Variants in RBFOX1 observed in about 807,000 individuals in gnomAD.
RBFOX1 encodes RNA binding protein fox-1 homolog 1.
RBFOX1 carries 8 observed loss-of-function variants against 57.7 expected under a neutral mutation model. The ratio of observed to expected loss-of-function variants is 0.14; its 90% confidence interval spans 0.08 to 0.25. The LOEUF (loss-of-function observed/expected upper bound fraction) is 0.25. Among genes scored for constraint, RBFOX1 ranks in the 10% least tolerant of loss-of-function variants. The pLI, the probability that RBFOX1 is intolerant of heterozygous loss-of-function variation, is 1.00. For missense variants in RBFOX1, 611 were observed against 548.5 expected (o/e 1.11, Z -1.14); for synonymous variants, 326 against 222.4 (o/e 1.47, Z -4.15).
chr16:5,947,205 G>C lies in RBFOX1; in HGVS notation c.351+79870G>C, dbSNP rs147823579. Among the ~76,000 whole-genome samples the C allele has an allele frequency of 2.8e-3, 419 of 152,256 alleles. 1 individual carries two copies. Among genetic ancestry groups the C allele is most frequent in the African/African-American group, 7.8e-3 (326 of 41,536 alleles). On this transcript the variant is annotated intron_variant, in intron 4 of 19. Transcript: ENST00000641259. The surrounding 1 kb of genome is among the most constrained non-coding windows in gnomAD (Gnocchi z 7.2). Reference sequence around the variant, plus strand: ...CTCTCCAGCCTGGGTGGCAGAGTGAGACTCTGTCTCTAAAACAAAACAAAC... The same window carrying C: ...CTCTCCAGCCTGGGTGGCAGAGTGACACTCTGTCTCTAAAACAAAACAAAC...
intron 4 of RBFOX1, among the ~76,000 whole-genome samples, chr16:7,313,741 T>C (rs2096374630): frequency 6.6e-6 from 1 of 152,282 alleles, no homozygotes; most frequent in Non-Finnish European, 1.5e-5. Flanking sequence ...TTGAAATTAA[T>C]GGCTTCATTT....
intron 4 of RBFOX1, among the ~76,000 whole-genome samples, chr16:5,987,329 T>C (rs899476210): frequency 6.6e-6 from 1 of 152,214 alleles, no homozygotes; most frequent in Non-Finnish European, 1.5e-5. Context: ...CCCCCAGCTG[T>C]AGCTTGTCTC....
At chr16:6,297,114 T>C (rs2078208030) in intron 1 of RBFOX1, among the ~76,000 whole-genome samples, 1 of 152,068 alleles carries the variant, frequency 6.6e-6, no homozygotes, top group Non-Finnish European at 1.5e-5. Context: ...CTGGTGGGAG[T>C]GTAGCGGTGA....
rs868492235 is a variant in RBFOX1 at position 6,388,977 on chromosome 16, G to T, written c.-64+71920G>T. Among the ~76,000 whole-genome samples the T allele has an allele frequency of 1.5e-4, 23 of 152,294 alleles. No individual in the cohort carries two copies. The South Asian group carries it at 4.6e-3, about 30-fold the overall frequency. ...TGTTGGACAATGACATCACTTGAAA[G>T]GTCCCTGGATCCAGCTAAGCCTTAA... On this transcript the variant is annotated intron_variant, in intron 2 of 15. Transcript: ENST00000550418.
At chr16:7,204,957 C>CT (rs370178411) in intron 4 of RBFOX1, among the ~76,000 whole-genome samples, 4 of 152,248 alleles carry the variant, frequency 2.6e-5, no homozygotes, top group African/African-American at 9.6e-5. Context: ...AATTCCTTGT[C>CT]TTTTTTGTCC....
At chr16:6,553,869 T>C (rs2097042296) in intron 2 of RBFOX1, among the ~76,000 whole-genome samples, 1 of 152,102 alleles carries the variant, frequency 6.6e-6, no homozygotes, top group African/African-American at 2.4e-5. Context: ...GTCCTTGGAC[T>C]TACCTTCCTG....
intron 4 of RBFOX1, among the ~76,000 whole-genome samples, chr16:5,985,341 T>C (rs2060265697): frequency 6.6e-6 from 1 of 151,990 alleles, no homozygotes; most frequent in Non-Finnish European, 1.5e-5. Flanking sequence ...CATCCATCCT[T>C]GGTGAGAAAC....
intron 7 of RBFOX1, among the ~76,000 whole-genome samples, chr16:7,594,017 G>A (rs2094569012): frequency 6.6e-6 from 1 of 152,084 alleles, no homozygotes; most frequent in South Asian, 2.1e-4. Flanking sequence ...GGGTACAGGT[G>A]CACACTGTGC....
chr16:6,769,521 C>T (rs767696325), intron 3 of RBFOX1, among the ~76,000 whole-genome samples: 6 of 152,182 alleles, frequency 3.9e-5, no homozygotes, highest in Non-Finnish European at 7.3e-5. Flanking sequence ...GTTTATCACC[C>T]GCCTTTTAAT....
intron 2 of RBFOX1, among the ~76,000 whole-genome samples, chr16:5,571,421 G>A (rs2046279769): frequency 6.6e-6 from 1 of 151,626 alleles, no homozygotes. Context: ...CACCCTGTTG[G>A]CCACGCTGGT....
intron 4 of RBFOX1, among the ~76,000 whole-genome samples, chr16:7,074,926 G>A (rs1438346098): frequency 6.6e-6 from 1 of 152,124 alleles, no homozygotes; most frequent in Admixed American, 6.5e-5. Context: ...GAAAACTTCT[G>A]GGATTGGAAA....
intron 2 of RBFOX1, among the ~76,000 whole-genome samples, chr16:5,564,519 G>A (rs988636641): frequency 2.0e-5 from 3 of 152,056 alleles, no homozygotes; most frequent in Non-Finnish European, 2.9e-5. Context: ...TTCATAACAC[G>A]TGTCAGGTGT....
chr16:6,170,173 A>G (rs1326751431), intron 1 of RBFOX1, among the ~76,000 whole-genome samples: 1 of 152,198 alleles, frequency 6.6e-6, no homozygotes, highest in Non-Finnish European at 1.5e-5. Flanking sequence ...GTGTGAGGCT[A>G]TGGCATGAGG....
chr16:6,450,833 ATATG>A (rs1364119988), intron 2 of RBFOX1, among the ~76,000 whole-genome samples: 2 of 35,038 alleles, frequency 5.7e-5, no homozygotes, highest in Admixed American at 3.8e-4. Flanking sequence ...ATATATATAT[ATATG>A]TGTATATATA....
intron 3 of RBFOX1, among the ~76,000 whole-genome samples, chr16:6,787,377 C>T (rs758009506): frequency 3.9e-5 from 6 of 152,116 alleles, no homozygotes; most frequent in South Asian, 2.1e-4. Flanking sequence ...TATGCAGAAA[C>T]GGTGAAATGA....
rs71147623 is a variant in RBFOX1 at position 6,904,599 on chromosome 16, T to TAAAA, written c.-15-147432_-15-147429dup. Among the ~76,000 whole-genome samples, 211 of 63,986 alleles carry TAAAA rather than the reference T, an allele frequency of 3.3e-3. 1 individual carries two copies. The highest frequency in any genetic ancestry group is 6.2e-3 in the East Asian group (13 of 2,094). 42.0% of individuals were successfully genotyped at this position (63,986 alleles called of 152,430 possible). A position where few individuals can be genotyped will look rare whatever the true frequency, so the allele number is the denominator to read the frequency against. ...CTGGGTGACAGAGTGAGACTCTCTC[T>TAAAA]AAAAAAAAAAAAAAAAAAAAAAAAA... On this transcript the variant is annotated intron_variant, in intron 3 of 15. Coordinates refer to ENST00000550418, the MANE Select transcript of RBFOX1 (RefSeq NM_018723.4).
intron 1 of RBFOX1, among the ~76,000 whole-genome samples, chr16:5,266,206 A>T (rs4378615): frequency 6.6e-6 from 1 of 152,150 alleles, no homozygotes; most frequent in Admixed American, 6.5e-5. Flanking sequence ...CACTGCTGAC[A>T]TTTTGGCTCA....
At chr16:6,975,350 C>G (rs1326094591) in intron 3 of RBFOX1, among the ~76,000 whole-genome samples, 4 of 152,076 alleles carry the variant, frequency 2.6e-5, no homozygotes, top group Admixed American at 1.3e-4. Context: ...ACTGCAATCT[C>G]CGACTCCTGG....
At chr16:6,895,436 G>GTA (rs1420239034) in intron 3 of RBFOX1, among the ~76,000 whole-genome samples, 36 of 85,770 alleles carry the variant, frequency 4.2e-4, no homozygotes, top group Admixed American at 2.4e-3. Context: ...GTGTGTGTGT[G>GTA]TGTGTGTGTG....
Sources: allele counts gnomAD v4.1 joint callset (sites outside exome capture counted in the v4.1 genomes callset), GRCh38; gene constraint gnomAD v4.1.1; non-coding constraint Gnocchi (gnomAD v3.1); transcripts MANE v1.5; gene names NCBI Gene and HGNC (gene_info 2026-07-23, HGNC 2026-07-21).